Variants in THRB observed in about 807,000 individuals in gnomAD.
THRB encodes the protein thyroid hormone receptor beta, also known as nuclear receptor subfamily 1 group A member 2.
A neutral mutation model predicts 47.8 loss-of-function variants in THRB; 12 were observed. The ratio of observed to expected loss-of-function variants is 0.25; its 90% CI spans 0.16 to 0.41. The LOEUF (loss-of-function observed/expected upper bound fraction) is 0.41. Ranked by LOEUF, THRB falls within the 10% of genes least tolerant of loss-of-function variation. The probability of loss-of-function intolerance (pLI) is 1.00; values close to 1 mark genes in which losing one functional copy is unlikely to be tolerated. For synonymous variants in THRB, 218 were observed against 212.2 expected, an observed-to-expected ratio of 1.03 and a Z score of -0.24; for missense variants, 348 against 589.2, an observed-to-expected ratio of 0.59 and a Z score of 4.24.
intron 1 of THRB, among the ~76,000 whole-genome samples, chr3:24,401,960 G>T (rs2067438039): frequency 6.6e-6 from 1 of 152,060 alleles, no homozygotes; most frequent in Non-Finnish European, 1.5e-5. Flanking sequence ...AACTGAGGAT[G>T]AACACCTGAG....
Position 24,190,139 on chromosome 3 carries a change from T to C in THRB, c.218A>G (p.Asp73Gly). 6.2e-7 allele frequency: 1 copy of C among 1,614,104 alleles called. No individual in the cohort carries two copies. The highest frequency in any genetic ancestry group is 8.5e-7 in the Non-Finnish European group (1 of 1,179,946). The change falls in exon 5 of 11, where the codon GAT becomes GGT. Residue 73 changes from aspartate to glycine, a missense_variant. By Grantham distance (94) the Asp-to-Gly change is moderately conservative. Coordinates refer to ENST00000646209, the MANE Select transcript of THRB (RefSeq NM_001354712.2). ...TGAGACACTCTGGTCGTTCACATCA[T>C]CATGGTCCAGATGGAATATTGAGCT... ...WTSSIFHLDH[D>G]DVNDQSVSSA... is the part of the protein sequence containing the mutation.
chr3:24,188,684 C>T (rs1217757696), intron 5 of THRB, among the ~76,000 whole-genome samples: 1 of 152,010 alleles, frequency 6.6e-6, no homozygotes, highest in Non-Finnish European at 1.5e-5. Flanking sequence ...TGTTGAGATA[C>T]AATCTGGCCA....
rs890514545 is a variant in THRB, at chr3:24,159,735, G to A, written c.284-7245C>T. ...TTTGGTTGCCACAACTGCTGTGTGT[G>A]TGTGTGTGTGTGTGTGTGTGTGTGT... On this transcript the variant is annotated intron_variant, in intron 5 of 10. Coordinates refer to ENST00000646209, the MANE Select transcript of THRB (RefSeq NM_001354712.2). Among the ~76,000 whole-genome samples the A allele has an allele frequency of 2.7e-4, 6 of 22,320 alleles. No homozygotes were observed. The African/African-American group carries it at 6.6e-3, about 25-fold the overall frequency. 14.6% of individuals were successfully genotyped at this position (22,320 alleles called of 152,430 possible). A position where few individuals can be genotyped will look rare whatever the true frequency, so the allele number is the denominator to read the frequency against.
At chr3:24,463,321 T>C (rs1233077716) in intron 1 of THRB, among the ~76,000 whole-genome samples, 3 of 152,238 alleles carry the variant, frequency 2.0e-5, no homozygotes, top group Non-Finnish European at 2.9e-5. Flanking sequence ...AATGCAGTGG[T>C]GTGATCATAG....
At chr3:24,143,019 T>G (rs1331930296) in intron 8 of THRB, among the ~76,000 whole-genome samples, 1 of 152,162 alleles carries the variant, frequency 6.6e-6, no homozygotes, top group African/African-American at 2.4e-5. Flanking sequence ...CCTTCTTGAG[T>G]CAAGCTCATT....
intron 5 of THRB, among the ~76,000 whole-genome samples, chr3:24,188,858 A>AATTATATATATATATATATATAT (rs369706128): frequency 5.6e-4 from 53 of 94,294 alleles, no homozygotes; most frequent in Admixed American, 7.9e-4. Flanking sequence ...GATCTCCTCA[A>AATTATATATATATATATATATAT]ATATATATAT....
At chr3:24,279,691 G>A (rs6767526) in intron 3 of THRB, among the ~76,000 whole-genome samples, 2,194 of 151,978 alleles carry the variant, frequency 0.014, 58 homozygotes, top group African/African-American at 0.049. Flanking sequence ...CACCGTGCCC[G>A]GCCAAATGCA....
chr3:24,237,317 T>C (rs952232151), intron 3 of THRB, among the ~76,000 whole-genome samples: 5 of 152,194 alleles, frequency 3.3e-5, no homozygotes, highest in African/African-American at 1.2e-4. Flanking sequence ...TCTGTAAGTG[T>C]TTTGCCGTCA....
intron 5 of THRB, among the ~76,000 whole-genome samples, chr3:24,180,405 T>G (rs1054868688): frequency 6.6e-6 from 1 of 152,246 alleles, no homozygotes; most frequent in Non-Finnish European, 1.5e-5. Context: ...ACAATTGAGT[T>G]AAACAGTCAC....
At chr3:24,435,340 C>T (rs114609994) in intron 1 of THRB, among the ~76,000 whole-genome samples, 5,125 of 152,166 alleles carry the variant, frequency 0.034, 300 homozygotes, top group African/African-American at 0.12. Context: ...ACAGGAAATG[C>T]GTAGGCAGAG....
chr3:24,117,657 T>C lies in THRB; in HGVS notation c.*5227A>G, dbSNP rs2030906002. The C allele has an allele frequency of 6.6e-6, 1 of 152,240 alleles. No individual in the cohort carries two copies. Among genetic ancestry groups the C allele is most frequent in the Non-Finnish European group, 1.5e-5 (1 of 68,040 alleles). The allele number at this position is 152,240 out of a possible 1,614,324, so 9.4% of individuals were successfully genotyped here. A position where few individuals can be genotyped will look rare whatever the true frequency, so the allele number is the denominator to read the frequency against. ...AGGCCATGTGAATGTTAAGTCTACA[T>C]GAATGACAAAAAAAGGAGCTTCCTG... On this transcript the variant is annotated 3_prime_UTR_variant, in exon 11 of 11. Transcript: ENST00000646209.
chr3:24,425,129 T>G (rs1027936108), intron 1 of THRB, among the ~76,000 whole-genome samples: 4 of 151,882 alleles, frequency 2.6e-5, no homozygotes, highest in African/African-American at 9.7e-5. Flanking sequence ...ATGATGCCAT[T>G]CTTGGGATCA....
chr3:24,139,586 A>G (rs760545282), intron 8 of THRB, among the ~76,000 whole-genome samples: 1 of 151,992 alleles, frequency 6.6e-6, no homozygotes, highest in Admixed American at 6.6e-5. Flanking sequence ...GAGTCTCGCT[A>G]TGTTTACCAG....
chr3:24,126,890 C>T (rs115165036), intron 10 of THRB, among the ~76,000 whole-genome samples: 10 of 152,256 alleles, frequency 6.6e-5, no homozygotes, highest in South Asian at 6.2e-4. Flanking sequence ...CTTCTGTTTT[C>T]GTGTGCTTGG....
intron 5 of THRB, among the ~76,000 whole-genome samples, chr3:24,170,112 G>T (rs141633008): frequency 9.1e-4 from 138 of 152,168 alleles, no homozygotes; most frequent in African/African-American, 3.3e-3. Context: ...TGCCCAACCA[G>T]GGCATCTCCA....
intron 6 of THRB, among the ~76,000 whole-genome samples, chr3:24,150,775 T>G (rs1201410701): frequency 6.6e-6 from 1 of 152,170 alleles, no homozygotes; most frequent in Non-Finnish European, 1.5e-5. Context: ...CTCCCAGAAT[T>G]CGAAATTTCC....
At chr3:24,389,575 G>A (rs894004536) in intron 1 of THRB, among the ~76,000 whole-genome samples, 2 of 152,128 alleles carry the variant, frequency 1.3e-5, no homozygotes, top group South Asian at 4.1e-4. Flanking sequence ...GGTTCTCAGC[G>A]AGATTTGTGC....
chr3:24,368,651 T>A (rs190321378), intron 1 of THRB, among the ~76,000 whole-genome samples: 2 of 152,286 alleles, frequency 1.3e-5, no homozygotes, highest in Admixed American at 6.5e-5. Flanking sequence ...TCTAAGTACG[T>A]GTGTCCTTTA....
intron 2 of THRB, among the ~76,000 whole-genome samples, chr3:24,302,343 A>T (rs1350973224): frequency 6.6e-5 from 10 of 152,178 alleles, no homozygotes; most frequent in Admixed American, 6.5e-4. Flanking sequence ...TTTTTTAAAT[A>T]GTTTCCCTGG....
Sources: gnomAD v4.1 joint callset for allele counts (sites outside exome capture counted in the v4.1 genomes callset) on GRCh38, gnomAD v4.1.1 for gene constraint, MANE v1.5 for transcripts, NCBI Gene and HGNC (gene_info 2026-07-23, HGNC 2026-07-21) for gene names.